The following KLKB1 variants were observed in gnomAD, a reference collection of about 807,000 sequenced individuals.
KLKB1 encodes kallikrein B1, also known as plasma kallikrein.
KLKB1 carries 58 observed loss-of-function variants against 73.6 expected under a neutral mutation model. The observed-to-expected ratio is 0.79, with a 90% CI of 0.64 to 0.98. KLKB1 has a LOEUF of 0.98. KLKB1 is among the 50% of genes least tolerant of loss of function. KLKB1 has a pLI of 0.00. For missense variants in KLKB1, 737 were observed against 763.8 expected (o/e 0.96, Z 0.41); for synonymous variants, 280 against 258.1 (o/e 1.08, Z -0.81).
intron 6 of KLKB1, among the ~76,000 whole-genome samples, chr4:186,244,251 A>G (rs1032130612): frequency 2.8e-5 from 3 of 107,422 alleles, no homozygotes; most frequent in African/African-American, 1.2e-4. Flanking sequence ...GTGAGTTTAT[A>G]TAATGGTTTA....
At chr4:186,213,147 A>G (rs780547431) in intron 2 of KLKB1, 1 of 152,182 alleles carries the variant, frequency 6.6e-6, no homozygotes, top group Non-Finnish European at 1.5e-5. Flanking sequence ...CAGCTCCAGA[A>G]TTATTGTTAC....
intron 4 of KLKB1, among the ~76,000 whole-genome samples, chr4:186,235,397 G>A (rs186566938): frequency 3.6e-4 from 55 of 151,792 alleles, no homozygotes; most frequent in African/African-American, 1.3e-3. Context: ...CTACACTCAA[G>A]AACAATTCTA....
At chr4:186,223,067 C>T (rs1241566809), upstream of KLKB1, among the ~76,000 whole-genome samples, 5 of 152,160 alleles carry the variant, frequency 3.3e-5, no homozygotes, top group Non-Finnish European at 5.9e-5. Context: ...CTCTCTCTCT[C>T]TCCTGCTGCC....
intron 2 of KLKB1, among the ~76,000 whole-genome samples, chr4:186,215,718 T>C (rs932269727): frequency 2.0e-5 from 3 of 152,118 alleles, no homozygotes. Flanking sequence ...GGACTACAGG[T>C]GCATGCCACC....
rs1738695929 is a variant in KLKB1 at position 186,251,852 on chromosome 4, G to A, written c.1135G>A (p.Asp379Asn). 8.7e-6 allele frequency: 14 copies of A among 1,612,276 alleles called. No individual in the cohort carries two copies. The highest frequency in any genetic ancestry group is 1.1e-5 in the Non-Finnish European group (13 of 1,178,662). The change falls in exon 10 of 15, where the codon GAC (aspartate) becomes AAC (asparagine). Residue 379 changes from aspartate to asparagine, a missense_variant. By Grantham distance (23) the Asp-to-Asn change is conservative (BLOSUM62 1). Coordinates refer to ENST00000264690, the MANE Select transcript of KLKB1 (RefSeq NM_000892.5). ...GYSLRLCNTGDNSVCTTKTST... is the reference protein window; with the variant it reads ...GYSLRLCNTGNNSVCTTKTST... ...CTCTTTGAGATTGTGTAACACTGGG[G>A]ACAACTCTGGTGAGTAACCTCACTT...
rs4253352 is a variant in KLKB1 at position 186,238,515 on chromosome 4, A to G, written c.598+150A>G. The G allele has an allele frequency of 6.0e-5, 41 of 686,608 alleles. No homozygotes were observed. The African/African-American group carries it at 6.2e-4, about 10-fold the overall frequency. 42.5% of individuals were successfully genotyped at this position (686,608 alleles called of 1,614,324 possible). A position where few individuals can be genotyped will look rare whatever the true frequency, so the allele number is the denominator to read the frequency against. On this transcript the variant is annotated intron_variant, in intron 6 of 14. Transcript: ENST00000264690. ...ATGGCATGCAGTTACGGGCTTCGAG[A>G]TGGGGAGTTTACTCTGGATTTTCTG... is the stretch of plus-strand genomic sequence containing the variant.
chr4:186,221,938 C>T (rs1364466969), upstream of KLKB1, among the ~76,000 whole-genome samples: 1 of 152,140 alleles, frequency 6.6e-6, no homozygotes. Flanking sequence ...GATTTAGATG[C>T]ACTGATTTTG....
intron 11 of KLKB1, among the ~76,000 whole-genome samples, chr4:186,253,502 A>G (rs188175942): frequency 2.0e-5 from 3 of 152,274 alleles, no homozygotes; most frequent in Admixed American, 2.0e-4. Context: ...TGTCTTTTTT[A>G]CTAAATGCAC....
intron 2 of KLKB1, among the ~76,000 whole-genome samples, chr4:186,218,257 G>C (rs1166825165): frequency 2.0e-5 from 3 of 152,148 alleles, no homozygotes; most frequent in Non-Finnish European, 4.4e-5. Flanking sequence ...CTTTGGTAGG[G>C]TGTAGGAAGG....
At chr4:186,217,491 C>T (rs1049472358) in intron 2 of KLKB1, among the ~76,000 whole-genome samples, 1 of 152,140 alleles carries the variant, frequency 6.6e-6, no homozygotes, top group Admixed American at 6.5e-5. Context: ...GCAACATTAT[C>T]CTACATTTCT....
chr4:186,226,863 CTAGA>C (rs1737185812), upstream of KLKB1, among the ~76,000 whole-genome samples: 1 of 152,040 alleles, frequency 6.6e-6, no homozygotes, highest in Non-Finnish European at 1.5e-5. Flanking sequence ...AACGTGGAGG[CTAGA>C]TAGAGTCTTG....
chr4:186,216,094 A>G (rs1001772393), intron 2 of KLKB1, among the ~76,000 whole-genome samples: 1 of 152,226 alleles, frequency 6.6e-6, no homozygotes, highest in African/African-American at 2.4e-5. Context: ...AATCATTTTC[A>G]GTGTCATCTA....
chr4:186,221,180 GT>G (rs994562261), intron 2 of KLKB1, among the ~76,000 whole-genome samples: 55 of 150,956 alleles, frequency 3.6e-4, no homozygotes, highest in African/African-American at 1.2e-3. Context: ...TTTTATTTGA[GT>G]TTTTTTTCTT....
At chr4:186,240,713 C>T (rs4253355) in intron 6 of KLKB1, among the ~76,000 whole-genome samples, 3,705 of 152,252 alleles carry the variant, frequency 0.024, 157 homozygotes, top group African/African-American at 0.086. Flanking sequence ...TGGCTATTTT[C>T]CTGTCTCCTC....
rs138489401 is a variant in KLKB1 at position 186,214,958 on chromosome 4, G to A, written c.201+5686G>A. ...CCATCATTATCTCTCCTCTTTACCC[G>A]TCACTTTCTTTCTGTTGTGGTTTGC... On this transcript the variant is annotated intron_variant, in intron 2 of 14. Coordinates refer to the KLKB1 transcript ENST00000511608. Among the ~76,000 whole-genome samples, 181 of 152,078 alleles carry A rather than the reference G, an allele frequency of 1.2e-3. 2 individuals carry two copies. Among genetic ancestry groups the A allele is most frequent in the African/African-American group, 4.1e-3 (171 of 41,456 alleles).
intron 2 of KLKB1, among the ~76,000 whole-genome samples, chr4:186,229,906 C>T (rs4253242): frequency 0.019 from 2,856 of 152,228 alleles, 45 homozygotes; most frequent in Middle Eastern, 0.031. Context: ...TGCAATGAAG[C>T]TTTTCTTTAG....
upstream of KLKB1, chr4:186,227,291 G>A (rs1005964449): frequency 6.6e-6 from 1 of 152,148 alleles, no homozygotes; most frequent in African/African-American, 2.4e-5. Context: ...ATGGATACTT[G>A]TTCGAATTGA....
intron 6 of KLKB1, among the ~76,000 whole-genome samples, chr4:186,246,090 G>GT (rs1738331312): frequency 6.6e-6 from 1 of 152,034 alleles, no homozygotes; most frequent in Non-Finnish European, 1.5e-5. Context: ...TGTTGGGCAG[G>GT]TGGGGGAGGG....
At chr4:186,240,634 G>T (rs1737983628) in intron 6 of KLKB1, among the ~76,000 whole-genome samples, 1 of 152,140 alleles carries the variant, frequency 6.6e-6, no homozygotes, top group African/African-American at 2.4e-5. Context: ...TGCTGGCTCT[G>T]TGCCTGGCCC....
Sources: allele counts gnomAD v4.1 joint callset (sites outside exome capture counted in the v4.1 genomes callset), GRCh38; gene constraint gnomAD v4.1.1; transcripts MANE v1.5; gene names NCBI Gene and HGNC (gene_info 2026-07-23, HGNC 2026-07-21).